EFCAB5: variants seen among roughly 807,000 people sequenced by gnomAD.
EFCAB5 encodes EF-hand calcium-binding domain-containing protein 5.
In EFCAB5, 131 loss-of-function variants were observed where a neutral mutation model predicts 167.9. The ratio of observed to expected loss-of-function variants is 0.78; its 90% CI spans 0.68 to 0.90. The LOEUF is 0.90. EFCAB5 is among the 40% of genes least tolerant of loss of function. The probability of loss-of-function intolerance (pLI) is 0.00; values close to 1 mark genes in which losing one functional copy is unlikely to be tolerated. For synonymous variants in EFCAB5, 574 were observed against 602.8 expected (o/e 0.95, Z 0.70); for missense variants, 1,663 against 1,745.2 (o/e 0.95, Z 0.84).
intron 3 of EFCAB5, among the ~76,000 whole-genome samples, chr17:29,959,886 T>C (rs538845329): frequency 2.0e-5 from 3 of 152,288 alleles, no homozygotes; most frequent in East Asian, 3.9e-4. Context: ...TTGAGCCCAG[T>C]ACAGCACCAA....
At chr17:30,036,061 C>A (rs2069606937) in intron 8 of EFCAB5, among the ~76,000 whole-genome samples, 1 of 140,360 alleles carries the variant, frequency 7.1e-6, no homozygotes. Context: ...TTATATATAA[C>A]CATATATTTA....
At chr17:29,955,786 C>T (rs750310887) in intron 3 of EFCAB5, among the ~76,000 whole-genome samples, 21 of 122,964 alleles carry the variant, frequency 1.7e-4, no homozygotes, top group Admixed American at 2.8e-4. Flanking sequence ...CTACCAATGA[C>T]ATTCTTCACA....
At position 30,025,337 on chromosome 17, in the gene EFCAB5, A is replaced by C. The variant is rs1342825832; in HGVS notation, c.1045-8893A>C. On this transcript the variant is annotated intron_variant, in intron 7 of 22. Transcript: ENST00000394835. ...AAATTTACAAGAAAAAAACAAACAA[A>C]CCCATCAAAAAGTGGGCAAAGGGTA... Among the ~76,000 whole-genome samples, 992 of 151,506 alleles carry C rather than the reference A, an allele frequency of 6.5e-3. 10 individuals carry two copies. The highest frequency in any genetic ancestry group is 0.022 in the African/African-American group (923 of 41,150).
intron 4 of EFCAB5, among the ~76,000 whole-genome samples, chr17:29,979,273 G>A (rs1444622680): frequency 6.6e-6 from 1 of 152,020 alleles, no homozygotes; most frequent in Non-Finnish European, 1.5e-5. Context: ...AACATGGGAG[G>A]CGGAGGTTGC....
At chr17:30,002,435 G>A (rs1371938023) in intron 7 of EFCAB5, among the ~76,000 whole-genome samples, 1 of 152,132 alleles carries the variant, frequency 6.6e-6, no homozygotes, top group African/African-American at 2.4e-5. Flanking sequence ...GGTCTACTGG[G>A]TCTACTGGTA....
At chr17:29,986,045 T>C (rs1283500302) in intron 4 of EFCAB5, among the ~76,000 whole-genome samples, 10 of 152,174 alleles carry the variant, frequency 6.6e-5, no homozygotes, top group Admixed American at 6.5e-4. Context: ...TCACAGAGCT[T>C]CCAAGTGTTT....
chr17:30,041,939 A>T (rs2069785097), intron 8 of EFCAB5, among the ~76,000 whole-genome samples: 2 of 152,204 alleles, frequency 1.3e-5, no homozygotes, highest in Non-Finnish European at 2.9e-5. Flanking sequence ...TAGGCAATTA[A>T]TCTATGGTAC....
At chr17:29,982,028 A>C (rs2068186161) in intron 4 of EFCAB5, among the ~76,000 whole-genome samples, 1 of 152,234 alleles carries the variant, frequency 6.6e-6, no homozygotes, top group Non-Finnish European at 1.5e-5. Context: ...TGAATAAGCA[A>C]AGAGAAAATA....
intron 5 of EFCAB5, among the ~76,000 whole-genome samples, chr17:29,995,475 G>C (rs968732202): frequency 6.6e-6 from 1 of 152,146 alleles, no homozygotes; most frequent in African/African-American, 2.4e-5. Flanking sequence ...TTGTCTTCAG[G>C]ATCATACTGG....
At position 29,969,325 on chromosome 17, in the gene EFCAB5, C is replaced by T; in HGVS notation, c.725C>T (p.Thr242Ile). 6.2e-7 allele frequency: 1 copy of T among 1,609,576 alleles called. No individual in the cohort carries two copies. Among genetic ancestry groups the T allele is most frequent in the Non-Finnish European group, 8.5e-7 (1 of 1,178,376 alleles). Reference sequence around the variant, plus strand: ...TACCAGAGGTTGATGAAAGAAGTCACAGAAGACCTGAAGATATATGTTCCT... The same window carrying T: ...TACCAGAGGTTGATGAAAGAAGTCATAGAAGACCTGAAGATATATGTTCCT... ...SGYQRLMKEV[T>I]EDLKIYVPDT... Residue 242 changes from threonine to isoleucine, a missense_variant, in exon 4 of 23, where the codon ACA becomes ATA. Coordinates refer to ENST00000394835, the MANE Select transcript of EFCAB5 (RefSeq NM_198529.4).
chr17:29,941,790 A>C lies in EFCAB5; in HGVS notation c.-7A>C. 6.2e-7 allele frequency: 1 copy of C among 1,602,648 alleles called. No homozygotes were observed. ...TATACCATTTGGTGATAACTTTTGG[A>C]GTCCAAATGAATGAGTCAGCATCTC... On this transcript the variant is annotated 5_prime_UTR_variant, in exon 1 of 23. Coordinates refer to ENST00000394835, the MANE Select transcript of EFCAB5 (RefSeq NM_198529.4).
intron 4 of EFCAB5, among the ~76,000 whole-genome samples, chr17:29,988,449 G>T (rs1185684532): frequency 6.6e-6 from 1 of 152,130 alleles, no homozygotes; most frequent in Non-Finnish European, 1.5e-5. Context: ...GAAGTATAGG[G>T]TGTCTGGAAA....
intron 3 of EFCAB5, among the ~76,000 whole-genome samples, chr17:29,947,349 G>A (rs915133636): frequency 6.6e-6 from 1 of 152,142 alleles, no homozygotes; most frequent in African/African-American, 2.4e-5. Context: ...TCACTTAGAA[G>A]TGGGAGCTAA....
Position 30,051,135 on chromosome 17 carries a change from G to A in EFCAB5, c.1218G>A (p.Arg406=). The change falls in exon 9 of 23, where the codon CGG becomes CGA. Residue 406 remains arginine (R), a synonymous_variant. Transcript: ENST00000394835. ...CDHGKVGFLD[R]QRTLALLELF... Reference sequence around the variant, plus strand: ...TTGCTTAGGTAGGGTTTTTGGATCGGCAGAGGACATTGGCCCTGCTGGAAT... The same window carrying A: ...TTGCTTAGGTAGGGTTTTTGGATCGACAGAGGACATTGGCCCTGCTGGAAT... The A allele has an allele frequency of 6.2e-7, 1 of 1,613,906 alleles. No individual in the cohort carries two copies. Among genetic ancestry groups the A allele is most frequent in the Non-Finnish European group, 8.5e-7 (1 of 1,179,848 alleles).
chr17:29,985,825 C>A (rs1176822558), intron 4 of EFCAB5, among the ~76,000 whole-genome samples: 2 of 152,168 alleles, frequency 1.3e-5, no homozygotes, highest in African/African-American at 4.8e-5. Flanking sequence ...CACAGTGCTG[C>A]AGAGATTTTG....
At chr17:30,018,662 A>G (rs2069104750) in intron 7 of EFCAB5, among the ~76,000 whole-genome samples, 1 of 152,078 alleles carries the variant, frequency 6.6e-6, no homozygotes, top group South Asian at 2.1e-4. Flanking sequence ...ATTCCATTTT[A>G]TGATGCTTGC....
At chr17:30,082,389 T>G (rs1478406982) in intron 17 of EFCAB5, among the ~76,000 whole-genome samples, 1 of 121,278 alleles carries the variant, frequency 8.2e-6, no homozygotes, top group Non-Finnish European at 1.7e-5. Context: ...TCTTTATACC[T>G]CTTTTTTTTT....
chr17:29,929,931 G>A, intron 1 of EFCAB5: 1 of 1,595,638 alleles, frequency 6.3e-7, no homozygotes, highest in Non-Finnish European at 8.5e-7. Flanking sequence ...CGCCAGGAAG[G>A]ACTCACCGAG....
intron 4 of EFCAB5, among the ~76,000 whole-genome samples, chr17:29,984,037 T>G (rs966098492): frequency 1.1e-4 from 17 of 152,106 alleles, no homozygotes; most frequent in Non-Finnish European, 2.2e-4. Flanking sequence ...TTTACTTATC[T>G]GTTCTGCCAT....
Sources: gnomAD v4.1 joint callset for allele counts (sites outside exome capture counted in the v4.1 genomes callset) on GRCh38, gnomAD v4.1.1 for gene constraint, MANE v1.5 for transcripts, NCBI Gene and HGNC (gene_info 2026-07-23, HGNC 2026-07-21) for gene names.